Variants in ROBO2 observed in about 807,000 individuals in gnomAD.
ROBO2 encodes the protein roundabout homolog 2.
Under a neutral mutation model 160.8 loss-of-function variants are expected in ROBO2, and 53 were observed. That is an observed-to-expected ratio of 0.33 (90% CI 0.26 to 0.41). The LOEUF (loss-of-function observed/expected upper bound fraction) is 0.41, where lower values mean the gene tolerates loss of function less well. ROBO2 is among the 10% of genes least tolerant of loss of function. The pLI is 1.00. For synonymous variants in ROBO2, 664 were observed against 611.7 expected (o/e 1.09, Z -1.26); for missense variants, 1,577 against 1,722.4 (o/e 0.92, Z 1.49).
intron 2 of ROBO2, among the ~76,000 whole-genome samples, chr3:76,843,944 C>T (rs1044317146): frequency 4.6e-5 from 7 of 151,878 alleles, no homozygotes; most frequent in African/African-American, 1.7e-4. Context: ...AGCTGATATC[C>T]TTTTAGGTGC....
At chr3:77,565,683 A>G (rs2153664134) in intron 12 of ROBO2, among the ~76,000 whole-genome samples, 1 of 152,236 alleles carries the variant, frequency 6.6e-6, no homozygotes, top group East Asian at 1.9e-4. Context: ...AAGTTTTACA[A>G]CCACTGCTAC....
At chr3:76,484,812 A>T (rs544860721) in intron 2 of ROBO2, among the ~76,000 whole-genome samples, 36 of 152,186 alleles carry the variant, frequency 2.4e-4, no homozygotes, top group Non-Finnish European at 4.7e-4. Context: ...TTTAGTGAAA[A>T]TTTTTAAAAA....
chr3:76,062,297 G>A (rs746479182), intron 2 of ROBO2, among the ~76,000 whole-genome samples: 16 of 150,356 alleles, frequency 1.1e-4, no homozygotes, highest in Non-Finnish European at 1.9e-4. Flanking sequence ...AAAATAATTT[G>A]TTTAAAAAGT....
intron 2 of ROBO2, among the ~76,000 whole-genome samples, chr3:76,650,879 A>G (rs2091225080): frequency 6.6e-6 from 1 of 152,216 alleles, no homozygotes; most frequent in African/African-American, 2.4e-5. Context: ...TAAGACGTTA[A>G]TAGTAGCTAA....
intron 2 of ROBO2, among the ~76,000 whole-genome samples, chr3:76,766,829 A>G (rs919889271): frequency 1.3e-5 from 2 of 151,558 alleles, no homozygotes; most frequent in Admixed American, 1.3e-4. Context: ...GGGTAATTGA[A>G]TACTCTGAGG....
Position 76,142,625 on chromosome 3 carries a change from A to G in ROBO2, c.109+205023A>G, listed in dbSNP as rs546353151. 2.2e-4 allele frequency among the ~76,000 whole-genome samples: 34 copies of G among 152,066 alleles called. No individual in the cohort carries two copies. The South Asian group carries it at 6.4e-3, about 29-fold the overall frequency. ...TCTAAAAATCAAAAAAATTAAACTT[A>G]TGGACATAGAGAGTAGAAGGATGGT... On this transcript the variant is annotated intron_variant, in intron 2 of 26. Transcript: ENST00000487694.
chr3:76,353,642 G>GT (rs1296788600), intron 2 of ROBO2, among the ~76,000 whole-genome samples: 3 of 151,822 alleles, frequency 2.0e-5, no homozygotes, highest in African/African-American at 7.2e-5. Context: ...GTTCAGAAAT[G>GT]TTTTTCTCAA....
In ROBO2 at chr3:77,252,807, C is replaced by CAAAAAAA. The variant is rs1182786373; in HGVS notation, c.388+154486_388+154492dup. Among the ~76,000 whole-genome samples the CAAAAAAA allele has an allele frequency of 3.7e-4, 12 of 32,054 alleles. 1 individual carries two copies. Among genetic ancestry groups the CAAAAAAA allele is most frequent in the African/African-American group, 1.6e-3 (11 of 7,014 alleles). 21.0% of individuals were successfully genotyped at this position (32,054 alleles called of 152,430 possible). Reference sequence around the variant, plus strand: ...TGGGCAGCAGAGCAAGACTCCATCTCAAAAAAAAAAAAAAAAAAAAAAAAA... The same window carrying CAAAAAAA: ...TGGGCAGCAGAGCAAGACTCCATCTCAAAAAAAAAAAAAAAAAAAAAAAAAAAAAAAA... On this transcript the variant is annotated intron_variant, in intron 2 of 25. Transcript: ENST00000461745.
At chr3:77,407,337 G>A (rs892727396) in intron 2 of ROBO2, among the ~76,000 whole-genome samples, 27 of 152,072 alleles carry the variant, frequency 1.8e-4, no homozygotes, top group African/African-American at 5.8e-4. Flanking sequence ...TTTTAGAATC[G>A]TTTCTTTAGA....
intron 6 of ROBO2, among the ~76,000 whole-genome samples, chr3:77,525,591 GACAAC>G (rs1267774827): frequency 6.6e-6 from 1 of 150,956 alleles, no homozygotes; most frequent in Non-Finnish European, 1.5e-5. Context: ...GCTTAAAAAT[GACAAC>G]ACAAACTGCG....
At chr3:77,584,368 C>T (rs1471349447) in intron 16 of ROBO2, among the ~76,000 whole-genome samples, 2 of 152,124 alleles carry the variant, frequency 1.3e-5, no homozygotes, top group Non-Finnish European at 2.9e-5. Flanking sequence ...GTTTTCCCTG[C>T]TTTTATTTGC....
chr3:77,191,323 G>T (rs1658387426), intron 2 of ROBO2, among the ~76,000 whole-genome samples: 1 of 151,980 alleles, frequency 6.6e-6, no homozygotes, highest in Admixed American at 6.6e-5. Flanking sequence ...TGTGCCACTG[G>T]TTAGTCCAGT....
intron 2 of ROBO2, among the ~76,000 whole-genome samples, chr3:76,767,910 A>T (rs1264294018): frequency 6.6e-6 from 1 of 151,478 alleles, no homozygotes; most frequent in Non-Finnish European, 1.5e-5. Flanking sequence ...TGAATGTGGG[A>T]TCTACTTTTT....
intron 2 of ROBO2, among the ~76,000 whole-genome samples, chr3:77,321,759 A>G (rs1216284477): frequency 1.3e-5 from 2 of 152,194 alleles, no homozygotes; most frequent in Admixed American, 6.5e-5. Flanking sequence ...TACAAGGACA[A>G]CTAAGACGGG....
chr3:76,728,204 G>C (rs934230268), intron 2 of ROBO2, among the ~76,000 whole-genome samples: 1 of 152,068 alleles, frequency 6.6e-6, no homozygotes, highest in African/African-American at 2.4e-5. Context: ...AACAATTTTA[G>C]AAACATATTC....
intron 2 of ROBO2, among the ~76,000 whole-genome samples, chr3:76,798,290 AAG>A (rs1288046885): frequency 6.6e-6 from 1 of 150,896 alleles, no homozygotes; most frequent in South Asian, 2.1e-4. Flanking sequence ...GAAAGAAAGA[AAG>A]AAAGAAAGAA....
At chr3:77,118,199 A>G (rs1160461359) in intron 2 of ROBO2, among the ~76,000 whole-genome samples, 1 of 152,192 alleles carries the variant, frequency 6.6e-6, no homozygotes, top group African/African-American at 2.4e-5. Flanking sequence ...TGACTATGGC[A>G]TTTAATTAAC....
At chr3:77,202,503 T>C (rs989581691) in intron 2 of ROBO2, among the ~76,000 whole-genome samples, 1 of 152,148 alleles carries the variant, frequency 6.6e-6, no homozygotes, top group Non-Finnish European at 1.5e-5. Flanking sequence ...TGGGAGGAGG[T>C]TGTTCTGAAA....
chr3:77,113,606 A>G (rs2073903649), intron 2 of ROBO2, among the ~76,000 whole-genome samples: 1 of 152,242 alleles, frequency 6.6e-6, no homozygotes, highest in South Asian at 2.1e-4. Context: ...GTATCAGATG[A>G]CATGCAAATG....
Sources: gnomAD v4.1 joint callset for allele counts (sites outside exome capture counted in the v4.1 genomes callset) on GRCh38, gnomAD v4.1.1 for gene constraint, MANE v1.5 for transcripts, NCBI Gene and HGNC (gene_info 2026-07-23, HGNC 2026-07-21) for gene names.